The following CUX1 variants were observed in gnomAD, a reference collection of about 807,000 sequenced individuals.
CUX1 encodes cut like homeobox 1.
CUX1 carries 31 observed loss-of-function variants against 158.8 expected under a neutral mutation model. That is an observed-to-expected ratio of 0.20 (90% confidence interval 0.15 to 0.26). The LOEUF is 0.26. CUX1 is among the 10% of genes least tolerant of loss of function. The probability of loss-of-function intolerance (pLI) is 1.00; values close to 1 mark genes in which losing one functional copy is unlikely to be tolerated. For synonymous variants in CUX1, 879 were observed against 862.1 expected (o/e 1.02, Z -0.34); for missense variants, 1,589 against 2,014.6 (o/e 0.79, Z 4.04).
At chr7:101,967,403 C>A (rs903744472) in intron 2 of CUX1, among the ~76,000 whole-genome samples, 9 of 152,174 alleles carry the variant, frequency 5.9e-5, no homozygotes, top group African/African-American at 1.9e-4. Flanking sequence ...CGAAACACCG[C>A]GCTAGATCTG....
chr7:102,187,400 G>C (rs1350440214), intron 11 of CUX1, among the ~76,000 whole-genome samples: 2 of 151,952 alleles, frequency 1.3e-5, no homozygotes, highest in Non-Finnish European at 2.9e-5. Flanking sequence ...CATCTGAACT[G>C]GTTCTTTGCT....
At chr7:101,920,471 C>T (rs1349307356) in intron 2 of CUX1, among the ~76,000 whole-genome samples, 20 of 152,314 alleles carry the variant, frequency 1.3e-4, no homozygotes, top group Non-Finnish European at 5.9e-5. Flanking sequence ...GTTGCCCAGG[C>T]TAGTCTCAAA....
chr7:102,191,852 G>A (rs556926661), intron 12 of CUX1, among the ~76,000 whole-genome samples: 39 of 151,266 alleles, frequency 2.6e-4, no homozygotes, highest in Non-Finnish European at 4.4e-4. Context: ...CCTGGGAGCT[G>A]AGGCTTCCAG....
intron 2 of CUX1, among the ~76,000 whole-genome samples, chr7:102,006,474 G>T (rs1462938326): frequency 6.6e-6 from 1 of 151,994 alleles, no homozygotes; most frequent in Non-Finnish European, 1.5e-5. Context: ...TCGGCTCACT[G>T]CAACCTCCGC....
At chr7:102,217,053 A>G (rs1451655360) in intron 20 of CUX1, among the ~76,000 whole-genome samples, 7 of 152,208 alleles carry the variant, frequency 4.6e-5, no homozygotes, top group Admixed American at 3.9e-4. Flanking sequence ...GTTCGTACAC[A>G]CAGCTGGCTT....
At chr7:102,103,876 G>C (rs1248790518) in intron 5 of CUX1, among the ~76,000 whole-genome samples, 1 of 151,944 alleles carries the variant, frequency 6.6e-6, no homozygotes, top group African/African-American at 2.4e-5. Flanking sequence ...ATGGGGTACC[G>C]TAGACTTTCT....
intron 20 of CUX1, among the ~76,000 whole-genome samples, chr7:102,222,616 T>C (rs1797914611): frequency 1.3e-5 from 2 of 151,930 alleles, no homozygotes; most frequent in South Asian, 4.2e-4. Context: ...TTTTTGTGAC[T>C]CATCGTTAAG....
chr7:102,105,806 G>A (rs563931134), intron 6 of CUX1, among the ~76,000 whole-genome samples: 81 of 151,688 alleles, frequency 5.3e-4, no homozygotes, highest in Non-Finnish European at 1.0e-3. Flanking sequence ...AGCCACCACG[G>A]CTGGCCTAGA....
At chr7:101,921,226 C>A (rs1804878784) in intron 2 of CUX1, among the ~76,000 whole-genome samples, 1 of 152,160 alleles carries the variant, frequency 6.6e-6, no homozygotes, top group African/African-American at 2.4e-5. Flanking sequence ...AATAATGTAA[C>A]AACAGGGCCC....
At chr7:102,028,222 G>T (rs1324272169) in intron 3 of CUX1, 77 bp downstream of exon 3, 26 of 1,500,320 alleles carry the variant, frequency 1.7e-5, no homozygotes, top group Non-Finnish European at 2.4e-5. Flanking sequence ...TTAAAGAAAT[G>T]CTCCGGGCAA....
rs1021738012 is a variant in CUX1 at position 101,869,123 on chromosome 7, A to G, written c.31-46992A>G. Among the ~76,000 whole-genome samples the G allele has an allele frequency of 1.3e-5, 2 of 152,080 alleles. No individual in the cohort carries two copies. The highest frequency in any genetic ancestry group is 2.9e-5 in the Non-Finnish European group (2 of 68,028). On this transcript the variant is annotated intron_variant, in intron 1 of 23. Transcript: ENST00000292535. The surrounding 1 kb of genome is among the most constrained non-coding windows in gnomAD (Gnocchi z 4.5). ...TGGACTTGGGCAGGTAGCAAAGGCC[A>G]GAAGGAGTGGGAGTCATTCCACCTG...
intron 8 of CUX1, among the ~76,000 whole-genome samples, chr7:102,139,020 G>A (rs1310744743): frequency 4.6e-5 from 7 of 151,974 alleles, no homozygotes; most frequent in Admixed American, 6.6e-5. Flanking sequence ...CAAGGCAGGC[G>A]GATCATTTGA....
Position 102,129,924 on chromosome 7 carries a change from A to G in CUX1, c.674+14651A>G, listed in dbSNP as rs138724307. Among the ~76,000 whole-genome samples the G allele has an allele frequency of 2.3e-3, 344 of 152,280 alleles. 1 individual carries two copies. The highest frequency in any genetic ancestry group is 3.9e-3 in the Non-Finnish European group (268 of 68,026). ...GGTGCCAAACAGCCAGGCACCCAGC[A>G]AGGATGCCCAGGGCTCTTGTTCGGG... On this transcript the variant is annotated intron_variant, in intron 8 of 23. Coordinates refer to ENST00000292535, the MANE Select transcript of CUX1 (RefSeq NM_181552.4).
intron 3 of CUX1, among the ~76,000 whole-genome samples, chr7:102,042,862 T>C (rs781646552): frequency 3.3e-5 from 5 of 152,190 alleles, no homozygotes; most frequent in Non-Finnish European, 7.3e-5. Context: ...TAATCAGGGC[T>C]CACTGCAGCC....
chr7:102,015,039 T>C (rs1467340321), intron 2 of CUX1, among the ~76,000 whole-genome samples: 2 of 152,156 alleles, frequency 1.3e-5, no homozygotes, highest in African/African-American at 4.8e-5. Flanking sequence ...TCTGAGCAGC[T>C]CTGTGAAGCT....
At chr7:101,886,389 TG>T (rs1471570086) in intron 1 of CUX1, among the ~76,000 whole-genome samples, 1 of 152,078 alleles carries the variant, frequency 6.6e-6, no homozygotes, top group Non-Finnish European at 1.5e-5. Context: ...TTGGTAGAGA[TG>T]GGGCTTCACT....
intron 2 of CUX1, among the ~76,000 whole-genome samples, chr7:101,983,347 C>G (rs2129221107): frequency 6.6e-6 from 1 of 152,288 alleles, no homozygotes; most frequent in Admixed American, 6.5e-5. Context: ...TCTCCAGCCC[C>G]AGGAAACTTC....
chr7:102,224,341 G>A (rs1798140581), intron 20 of CUX1, among the ~76,000 whole-genome samples: 1 of 152,068 alleles, frequency 6.6e-6, no homozygotes, highest in South Asian at 2.1e-4. Context: ...CCAGTAGCTG[G>A]GATTACAGGC....
chr7:102,083,751 T>G (rs1161476572), intron 4 of CUX1, among the ~76,000 whole-genome samples: 1 of 147,312 alleles, frequency 6.8e-6, no homozygotes, highest in Non-Finnish European at 1.5e-5. Context: ...TTAGTTCATC[T>G]TTAATTTCTC....
Sources: allele counts gnomAD v4.1 joint callset (sites outside exome capture counted in the v4.1 genomes callset), GRCh38; gene constraint gnomAD v4.1.1; non-coding constraint Gnocchi (gnomAD v3.1); transcripts MANE v1.5; gene names NCBI Gene and HGNC (gene_info 2026-07-23, HGNC 2026-07-21).